Variants in NARS2 observed in about 807,000 individuals in gnomAD.
NARS2 encodes asparaginyl-tRNA synthetase 2, mitochondrial, also known as asparaginyl-tRNA synthetase.
NARS2 carries 60 observed loss-of-function variants against 62.9 expected under a neutral mutation model. The observed-to-expected ratio is 0.95, with a 90% CI of 0.77 to 1.18. The LOEUF is 1.18. Among genes scored for constraint, NARS2 ranks in the 50% most tolerant of loss-of-function variants. The pLI is 0.00. For synonymous variants in NARS2, 196 were observed against 200.0 expected (o/e 0.98, Z 0.17); for missense variants, 619 against 576.4 (o/e 1.07, Z -0.76).
chr11:78,538,361 A>G (rs935754737), intron 5 of NARS2, among the ~76,000 whole-genome samples: 5 of 152,220 alleles, frequency 3.3e-5, no homozygotes, highest in African/African-American at 1.2e-4. Flanking sequence ...GCACTGTGCT[A>G]CATGAGAGAG....
chr11:78,541,652 G>A (rs1195376295), intron 5 of NARS2, among the ~76,000 whole-genome samples: 4 of 152,076 alleles, frequency 2.6e-5, no homozygotes, highest in Non-Finnish European at 5.9e-5. Context: ...TGAGGTCAAT[G>A]AGTTATGATC....
chr11:78,515,713 G>A lies in NARS2; in HGVS notation c.689+13129C>T, dbSNP rs139059899. On this transcript the variant is annotated intron_variant, in intron 6 of 13. Transcript: ENST00000281038. The stretch of plus-strand genomic sequence containing the variant: ...AAAAAAAAAAAACAAAACAATTTAA[G>A]AGGGAGTCTTGCTATTGTCCAGTCT... Among the ~76,000 whole-genome samples the A allele has an allele frequency of 5.0e-3, 752 of 151,826 alleles. 4 individuals carry two copies. The highest frequency in any genetic ancestry group is 0.018 in the African/African-American group (729 of 41,440).
intron 6 of NARS2, among the ~76,000 whole-genome samples, chr11:78,503,027 T>C (rs1860345030): frequency 6.7e-6 from 1 of 150,314 alleles, no homozygotes; most frequent in Non-Finnish European, 1.5e-5. Flanking sequence ...ATGACGAGAT[T>C]GTCTATCAAG....
intron 11 of NARS2, among the ~76,000 whole-genome samples, chr11:78,456,012 T>C (rs1340908884): frequency 2.6e-5 from 4 of 152,204 alleles, no homozygotes; most frequent in African/African-American, 9.7e-5. Flanking sequence ...CATTTTCCTC[T>C]GTCTACCATG....
intron 5 of NARS2, among the ~76,000 whole-genome samples, chr11:78,532,743 T>C (rs1861525239): frequency 6.6e-6 from 1 of 152,212 alleles, no homozygotes; most frequent in Non-Finnish European, 1.5e-5. Flanking sequence ...CTTTTTCATG[T>C]ACCCAGCTCA....
chr11:78,480,827 T>C (rs1210484351), intron 7 of NARS2, among the ~76,000 whole-genome samples: 1 of 151,930 alleles, frequency 6.6e-6, no homozygotes, highest in Non-Finnish European at 1.5e-5. Context: ...ACTTTCTTTT[T>C]TTTTTTTCTA....
intron 5 of NARS2, among the ~76,000 whole-genome samples, chr11:78,540,632 C>T (rs1198902537): frequency 6.6e-6 from 1 of 152,138 alleles, no homozygotes; most frequent in African/African-American, 2.4e-5. Flanking sequence ...GAAGAGAATA[C>T]ATAAAGATGA....
At chr11:78,551,209 CA>C (rs1429398722) in intron 5 of NARS2, among the ~76,000 whole-genome samples, 28 of 152,302 alleles carry the variant, frequency 1.8e-4, no homozygotes, top group Admixed American at 1.6e-3. Context: ...TAGCCTGAGG[CA>C]GACACGTTCT....
At chr11:78,473,528 G>A (rs1315298494) in intron 9 of NARS2, among the ~76,000 whole-genome samples, 2 of 152,098 alleles carry the variant, frequency 1.3e-5, no homozygotes, top group African/African-American at 2.4e-5. Context: ...GTTTTATATT[G>A]ATTTCTATAG....
At chr11:78,494,111 G>A (rs1487336943) in intron 6 of NARS2, among the ~76,000 whole-genome samples, 1 of 152,152 alleles carries the variant, frequency 6.6e-6, no homozygotes, top group Non-Finnish European at 1.5e-5. Context: ...TTATTCCCTT[G>A]ATTCCAGAGG....
chr11:78,567,287 G>A (rs1856775185), intron 3 of NARS2, among the ~76,000 whole-genome samples: 1 of 152,066 alleles, frequency 6.6e-6, no homozygotes, highest in Admixed American at 6.6e-5. Flanking sequence ...CACAACAATG[G>A]CCAGGTAGTG....
chr11:78,566,716 T>C (rs1287559819), intron 3 of NARS2, among the ~76,000 whole-genome samples: 1 of 152,196 alleles, frequency 6.6e-6, no homozygotes, highest in Non-Finnish European at 1.5e-5. Context: ...GCCCATATCA[T>C]TCATAATCAA....
At chr11:78,551,805 T>G (rs1020338639) in intron 5 of NARS2, among the ~76,000 whole-genome samples, 4 of 151,678 alleles carry the variant, frequency 2.6e-5, no homozygotes, top group African/African-American at 9.7e-5. Context: ...GAGCCAAGAT[T>G]GCGCCATTGT....
At chr11:78,439,703 A>G (rs1293863106) in intron 13 of NARS2, among the ~76,000 whole-genome samples, 3 of 152,092 alleles carry the variant, frequency 2.0e-5, no homozygotes, top group Non-Finnish European at 4.4e-5. Flanking sequence ...CATCTCTGAA[A>G]CCTATCTCCT....
chr11:78,473,870 G>A (rs1858978029), intron 9 of NARS2, among the ~76,000 whole-genome samples: 1 of 152,056 alleles, frequency 6.6e-6, no homozygotes. Context: ...GCATTTCAGG[G>A]GATATCTTGA....
At chr11:78,520,088 C>G (rs1034442730) in intron 6 of NARS2, among the ~76,000 whole-genome samples, 2 of 152,096 alleles carry the variant, frequency 1.3e-5, no homozygotes, top group African/African-American at 2.4e-5. Flanking sequence ...TAATTCACGA[C>G]TCATATACTC....
intron 5 of NARS2, among the ~76,000 whole-genome samples, chr11:78,554,166 G>A (rs1341796353): frequency 1.3e-5 from 2 of 152,166 alleles, no homozygotes; most frequent in African/African-American, 4.8e-5. Flanking sequence ...TGGGTAACAT[G>A]ATTCTTCCAG....
intron 13 of NARS2, among the ~76,000 whole-genome samples, chr11:78,437,277 G>A (rs932258670): frequency 6.6e-6 from 1 of 152,140 alleles, no homozygotes; most frequent in Non-Finnish European, 1.5e-5. Context: ...ATATCCTATA[G>A]ATTAGATTAT....
chr11:78,541,974 G>A (rs1047619277), intron 5 of NARS2, among the ~76,000 whole-genome samples: 25 of 152,200 alleles, frequency 1.6e-4, no homozygotes, highest in African/African-American at 6.0e-4. Context: ...AGCCATATAT[G>A]TAGGTCTTTC....
Sources: allele counts gnomAD v4.1 joint callset (sites outside exome capture counted in the v4.1 genomes callset), GRCh38; gene constraint gnomAD v4.1.1; transcripts MANE v1.5; gene names NCBI Gene and HGNC (gene_info 2026-07-23, HGNC 2026-07-21).